XIST: variants seen among roughly 807,000 people sequenced by gnomAD.
The protein encoded by XIST is X inactive specific transcript (non-protein coding).
chrX:73,826,512 C>T (rs762998660), exon 6 of XIST: 1 of 559,211 alleles, frequency 1.8e-6, no homozygotes, highest in Non-Finnish European at 3.2e-6. Flanking sequence ...AGGCATAATA[C>T]TGTCAATCTA....
Position 73,842,023 on chromosome X carries a change from G to A in XIST, n.10701C>T, listed in dbSNP as rs759061484. 33 of 546,915 alleles carry A rather than the reference G, an allele frequency of 6.0e-5. No homozygotes were observed. In the African/African-American group the frequency reaches 7.0e-4, roughly 12 times the overall value. 45.1% of individuals were successfully genotyped at this position (546,915 alleles called of 1,213,427 possible). On this transcript the variant is annotated non_coding_transcript_exon_variant, in exon 1 of 6. Coordinates refer to ENST00000429829, the Ensembl canonical transcript of XIST. Reference sequence around the variant, plus strand: ...AATATCTTTGATATTAAAATAGCAAGAGTCAGTGTTCTATCCACAGACCCA... The same window carrying A: ...AATATCTTTGATATTAAAATAGCAAAAGTCAGTGTTCTATCCACAGACCCA...
chrX:73,844,727 T>C (rs1439459600), exon 1 of XIST: 3 of 551,393 alleles, frequency 5.4e-6, no homozygotes, highest in Non-Finnish European at 6.5e-6. Context: ...GCCAGGAAAA[T>C]GGGCCTTGGT....
In XIST at chrX:73,849,555, T is replaced by C. The variant is rs1270721445; in HGVS notation, n.3169A>G. 4 of 558,392 alleles carry C rather than the reference T, an allele frequency of 7.2e-6. No individual in the cohort carries two copies. In the Admixed American group the frequency reaches 8.9e-5, roughly 12 times the overall value. The allele number at this position is 558,392 out of a possible 1,213,427, so 46.0% of individuals were successfully genotyped here. ...AGAAAATGATAAGTAACTCAAATTG[T>C]GGGCAATAATGCTCTGATAGAAAGC... On this transcript the variant is annotated non_coding_transcript_exon_variant, in exon 1 of 6. Coordinates refer to ENST00000429829, the Ensembl canonical transcript of XIST.
At chrX:73,821,714 G>T (rs1240315299) in exon 6 of XIST, 1 of 535,104 alleles carries the variant, frequency 1.9e-6, no homozygotes. Context: ...TTTAAAAACG[G>T]AAAAGGTCAA....
exon 1 of XIST, chrX:73,850,157 A>C (rs771549636): frequency 3.6e-6 from 2 of 558,103 alleles, no homozygotes; most frequent in South Asian, 4.5e-5. Context: ...TCATGAAGTT[A>C]AATTTTTTAC....
exon 1 of XIST, chrX:73,842,885 A>G (rs1047848836): frequency 1.6e-5 from 9 of 558,511 alleles, no homozygotes; most frequent in Admixed American, 8.9e-5. Context: ...ATTGTGAGCA[A>G]TAGTCTGTAA....
At chrX:73,837,804 G>A (rs1922512382) in intron 1 of XIST, among the ~76,000 whole-genome samples, 1 of 110,730 alleles carries the variant, frequency 9.0e-6, no homozygotes, top group Non-Finnish European at 1.9e-5. Flanking sequence ...CCTAAGAACT[G>A]GTAAGTCTAT....
chrX:73,826,834 T>C lies in XIST; in HGVS notation n.13067A>G, dbSNP rs892370050. ...TCTTCCAGCTACAACCCTGGGCTAA[T>C]CTTAGGTCGTTGGCCTTGTGTCACA... On this transcript the variant is annotated non_coding_transcript_exon_variant, in exon 6 of 6. Transcript: ENST00000429829. 4 of 556,350 alleles carry C rather than the reference T, an allele frequency of 7.2e-6. No individual in the cohort carries two copies. The Admixed American group carries it at 8.9e-5, about 12-fold the overall frequency. 45.8% of individuals were successfully genotyped at this position (556,350 alleles called of 1,213,427 possible).
At chrX:73,838,513 T>G (rs769160631) in intron 1 of XIST, among the ~76,000 whole-genome samples, 1 of 111,290 alleles carries the variant, frequency 9.0e-6, no homozygotes. Flanking sequence ...AATCAAAAGT[T>G]ATTTCTAATA....
exon 1 of XIST, chrX:73,847,082 TA>T (rs1569512618): frequency 1.8e-6 from 1 of 559,375 alleles, no homozygotes; most frequent in Admixed American, 2.2e-5. Flanking sequence ...CTAACTTTAC[TA>T]GTCTAAGGGT....
exon 6 of XIST, chrX:73,826,925 A>G (rs747929849): frequency 1.8e-6 from 1 of 558,737 alleles, no homozygotes; most frequent in Non-Finnish European, 3.2e-6. Flanking sequence ...TCAAGCCTTG[A>G]GACTTCCATC....
chrX:73,825,101 G>C (rs1687991474), exon 6 of XIST: 1 of 513,316 alleles, frequency 1.9e-6, no homozygotes, highest in African/African-American at 2.3e-5. Flanking sequence ...TCCCCCTTTG[G>C]TAGCTCTAGC....
chrX:73,836,804 T>G (rs1922491515), intron 2 of XIST, among the ~76,000 whole-genome samples: 1 of 111,295 alleles, frequency 9.0e-6, no homozygotes. Context: ...TGAAGCATGT[T>G]GTAGTTCCAA....
exon 6 of XIST, chrX:73,827,212 G>A (rs372770101): frequency 1.1e-5 from 6 of 556,499 alleles, no homozygotes; most frequent in South Asian, 6.7e-5. Context: ...ATAAGGAACC[G>A]CTCCACAATG....
exon 1 of XIST, chrX:73,852,482 A>C (rs1180487991): frequency 1.1e-5 from 6 of 548,301 alleles, no homozygotes; most frequent in Non-Finnish European, 2.0e-5. Context: ...TAAATATTAA[A>C]AATTGCCTCA....
exon 6 of XIST, chrX:73,825,274 G>A: frequency 1.8e-6 from 1 of 558,729 alleles, no homozygotes. Flanking sequence ...AACACAAATT[G>A]GCCTCAAATA....
exon 1 of XIST, chrX:73,850,685 G>A (rs759678401): frequency 1.1e-5 from 3 of 282,006 alleles, no homozygotes; most frequent in Non-Finnish European, 1.9e-5. Flanking sequence ...AGACCAGAGG[G>A]GGGTAGGGGG....
exon 6 of XIST, chrX:73,825,686 G>C: frequency 1.9e-6 from 1 of 514,761 alleles, no homozygotes. Context: ...ATGGCCCACA[G>C]TCTAAAGTAT....
chrX:73,852,004 G>A, exon 1 of XIST: 3 of 555,876 alleles, frequency 5.4e-6, no homozygotes, highest in Non-Finnish European at 9.7e-6. Flanking sequence ...AGCACCGATG[G>A]GCGATGAAAA....
Sources: gnomAD v4.1 joint callset for allele counts (sites outside exome capture counted in the v4.1 genomes callset) on GRCh38, gnomAD v4.1.1 for gene constraint, MANE v1.5 for transcripts, NCBI Gene and HGNC (gene_info 2026-07-23, HGNC 2026-07-21) for gene names.